Variants in RRAS observed in about 807,000 individuals in gnomAD.
RRAS encodes the protein RAS related, also known as ras-related protein R-Ras.
A neutral mutation model predicts 23.3 loss-of-function variants in RRAS; 18 were observed. The observed-to-expected ratio is 0.77, with a 90% CI of 0.53 to 1.15. The LOEUF is 1.15. Among genes scored for constraint, RRAS ranks in the 50% most tolerant of loss-of-function variants. The pLI, the probability that RRAS is intolerant of heterozygous loss-of-function variation, is 0.00. For synonymous variants in RRAS, 133 were observed against 138.3 expected (o/e 0.96, Z 0.27); for missense variants, 291 against 317.1 (o/e 0.92, Z 0.62).
chr19:49,636,356 G>T lies in RRAS; in HGVS notation c.453+263C>A, dbSNP rs2080996065. 6.6e-6 allele frequency among the ~76,000 whole-genome samples: 1 copy of T among 152,028 alleles called. No homozygotes were observed. Among genetic ancestry groups the T allele is most frequent in the South Asian group, 2.1e-4 (1 of 4,828 alleles). ...TGGAAGGGAGGAATGCGAGGAAGGG[G>T]CAAAGAGAGCTGGCGGACGGGGGGT... is the stretch of plus-strand genomic sequence containing the variant. On this transcript the variant is annotated intron_variant, in intron 4 of 5. Coordinates refer to ENST00000246792, the MANE Select transcript of RRAS (RefSeq NM_006270.5). This position sits in a 1 kb window ranked among gnomAD's most constrained non-coding sequence, Gnocchi z 4.5.
Position 49,635,679 on chromosome 19 carries a change from G to C in RRAS, c.573-19C>G, listed in dbSNP as rs377060262. On this transcript the variant is annotated intron_variant, in intron 5 of 5. Coordinates refer to ENST00000246792, the MANE Select transcript of RRAS (RefSeq NM_006270.5). ...GTATTTCCTGTGGGAAAACGCCAGT[G>C]AGTTTGGAGTGGAAGGGCTGGGGAC... 3.4e-6 allele frequency: 5 copies of C among 1,483,112 alleles called. No individual in the cohort carries two copies. The African/African-American group carries it at 7.1e-5, about 21-fold the overall frequency. 91.9% of individuals were successfully genotyped at this position (1,483,112 alleles called of 1,614,324 possible).
At position 49,635,309 on chromosome 19, in the gene RRAS, T is replaced by C. The variant is rs1222807732; in HGVS notation, c.*267A>G. On this transcript the variant is annotated 3_prime_UTR_variant, in exon 6 of 6. Transcript: ENST00000246792. Reference sequence around the variant, plus strand: ...GCACCTCCTGACGTTGGCAGTGACATTTATTTTTCTGGGGGAGGGGAGTTA... The same window carrying C: ...GCACCTCCTGACGTTGGCAGTGACACTTATTTTTCTGGGGGAGGGGAGTTA... The C allele has an allele frequency of 3.4e-6, 1 of 295,140 alleles. No homozygotes were observed. Among genetic ancestry groups the C allele is most frequent in the East Asian group, 5.4e-5 (1 of 18,562 alleles). 18.3% of individuals were successfully genotyped at this position (295,140 alleles called of 1,614,324 possible). A position where few individuals can be genotyped will look rare whatever the true frequency, so the allele number is the denominator to read the frequency against.
chr19:49,640,103 C>T lies in RRAS; in HGVS notation c.-5G>A, dbSNP rs1177664746. 38 of 1,382,860 alleles carry T rather than the reference C, an allele frequency of 2.7e-5. No homozygotes were observed. Among genetic ancestry groups the T allele is most frequent in the Non-Finnish European group, 3.4e-5 (37 of 1,080,322 alleles). The allele number at this position is 1,382,860 out of a possible 1,614,324, so 85.7% of individuals were successfully genotyped here. A position where few individuals can be genotyped will look rare whatever the true frequency, so the allele number is the denominator to read the frequency against. On this transcript the variant is annotated 5_prime_UTR_variant, in exon 1 of 6. Coordinates refer to ENST00000246792, the MANE Select transcript of RRAS (RefSeq NM_006270.5). Reference sequence around the variant, plus strand: ...GGACGCCGCCCCGCTGCTCATGTCGCCACCGCTGCTGCTGCCTTCGCTACC... The same window carrying T: ...GGACGCCGCCCCGCTGCTCATGTCGTCACCGCTGCTGCTGCCTTCGCTACC...
intron 1 of RRAS, among the ~76,000 whole-genome samples, chr19:49,637,818 G>A (rs2122423067): frequency 7.6e-6 from 1 of 132,144 alleles, no homozygotes; most frequent in Middle Eastern, 5.2e-3. Flanking sequence ...GTCACTCCTG[G>A]TCCTCTCTTT....
rs1438700948 is a variant in RRAS, at chr19:49,636,975, T to C, written c.242-49A>G. 1 of 1,607,996 alleles carries C rather than the reference T, an allele frequency of 6.2e-7. No homozygotes were observed. Among genetic ancestry groups the C allele is most frequent in the South Asian group, 1.1e-5 (1 of 90,908 alleles). On this transcript the variant is annotated intron_variant, in intron 2 of 5. Coordinates refer to ENST00000246792, the MANE Select transcript of RRAS (RefSeq NM_006270.5). This position sits in a 1 kb window ranked among gnomAD's most constrained non-coding sequence, Gnocchi z 4.5. ...ATCGTGGGGACCAGGCTCCCCGCAG[T>C]CACCCCCAAGAGCCCTCAGCCCCCA... is the stretch of plus-strand genomic sequence containing the variant.
At chr19:49,639,841 G>T in intron 1 of RRAS, 105 bp downstream of exon 1, 1 of 927,664 alleles carries the variant, frequency 1.1e-6, no homozygotes, top group Non-Finnish European at 1.6e-6. Context: ...GGGCCTTATA[G>T]GAGGGTCTCA....
intron 1 of RRAS, among the ~76,000 whole-genome samples, chr19:49,638,530 C>T (rs2081007231): frequency 6.6e-6 from 1 of 151,954 alleles, no homozygotes; most frequent in Non-Finnish European, 1.5e-5. Flanking sequence ...GGTCTGAAGG[C>T]TGCATCTGTC....
In RRAS at chr19:49,636,624, G is replaced by T. The variant is rs767209383; in HGVS notation, c.448C>A (p.Arg150Ser). The T allele has an allele frequency of 3.7e-6, 6 of 1,612,450 alleles. No homozygotes were observed. The highest frequency in any genetic ancestry group is 5.1e-6 in the Non-Finnish European group (6 of 1,178,604). Reference protein sequence around the residue: ...VGNKADLESQRQVPRSEASAF... With the variant: ...VGNKADLESQSQVPRSEASAF... ...GAAAGAGGGGTGTCCCGAACCTGGC[G>T]CTGTGACTCCAGATCTGCCTTGTTC... The change falls in exon 4 of 6, where the codon CGC becomes AGC. Residue 150 changes from arginine to serine, a missense_variant. Transcript: ENST00000246792. The surrounding 1 kb of genome is among the most constrained non-coding windows in gnomAD (Gnocchi z 4.5).
rs1238020391 is a variant in RRAS, at chr19:49,636,072, C to T, written c.454-220G>A. Among the ~76,000 whole-genome samples, 4 of 152,156 alleles carry T rather than the reference C, an allele frequency of 2.6e-5. No individual in the cohort carries two copies. The highest frequency in any genetic ancestry group is 2.6e-4 in the Admixed American group (4 of 15,288). ...CTTCGTGGGCACTTGCCCTGCTATG[C>T]CTTAGATAACCAGGAGTGGGCAGGC... On this transcript the variant is annotated intron_variant, in intron 4 of 5. Transcript: ENST00000246792. The surrounding 1 kb of genome is among the most constrained non-coding windows in gnomAD (Gnocchi z 4.5).
chr19:49,636,885 C>G lies in RRAS; in HGVS notation c.283G>C (p.Glu95Gln), dbSNP rs776413496. The change falls in exon 3 of 6, where the codon GAG (glutamate) becomes CAG (glutamine). Residue 95 changes from glutamate to glutamine, a missense_variant. By Grantham distance (29) the Glu-to-Gln change is conservative. Transcript: ENST00000246792. This position sits in a 1 kb window ranked among gnomAD's most constrained non-coding sequence, Gnocchi z 4.5. ...CCGTGGCCAGCACGCATGTACTGCT[C>G]TCTCATGGCCCCGAACTCTTCCTGG... is the stretch of plus-strand genomic sequence containing the variant. The part of the protein sequence containing the change: ...AGQEEFGAMR[E>Q]QYMRAGHGFL... The G allele has an allele frequency of 1.2e-6, 2 of 1,613,540 alleles. No homozygotes were observed. The highest frequency in any genetic ancestry group is 2.2e-5 in the South Asian group (2 of 91,080).
chr19:49,635,591 G>A lies in RRAS; in HGVS notation c.642C>T (p.Pro214=), dbSNP rs749613582. The A allele has an allele frequency of 1.4e-6, 2 of 1,445,790 alleles. No individual in the cohort carries two copies. Among genetic ancestry groups the A allele is most frequent in the Non-Finnish European group, 1.8e-6 (2 of 1,091,008 alleles). 89.6% of individuals were successfully genotyped at this position (1,445,790 alleles called of 1,614,324 possible). The change falls in exon 6 of 6, where the codon CCC becomes CCT. Residue 214 remains proline, a synonymous_variant. Coordinates refer to ENST00000246792, the MANE Select transcript of RRAS (RefSeq NM_006270.5). ...SAPRKKGGGC[P]CVLL Reference sequence around the variant, plus strand: ...CTTGCCTGGGCTACAGGAGGACGCAGGGGCAGCCCCCGCCCTTCTTCCTGG... The same window carrying A: ...CTTGCCTGGGCTACAGGAGGACGCAAGGGCAGCCCCCGCCCTTCTTCCTGG...
At chr19:49,637,613 C>T (rs1393658472) in intron 1 of RRAS, among the ~76,000 whole-genome samples, 8 of 151,342 alleles carry the variant, frequency 5.3e-5, no homozygotes, top group Non-Finnish European at 1.2e-4. Context: ...CCTGCCCTGT[C>T]CTTCTCTCTC....
rs560036770 is a variant in RRAS, at chr19:49,636,287, C to G, written c.453+332G>C. On this transcript the variant is annotated intron_variant, in intron 4 of 5. Coordinates refer to ENST00000246792, the MANE Select transcript of RRAS (RefSeq NM_006270.5). This position sits in a 1 kb window ranked among gnomAD's most constrained non-coding sequence, Gnocchi z 4.5. ...AGGAACTGGGGAGCCATGGAGGGGG[C>G]CGGCCATGAGCAGGGGAGGTGCTGG... Among the ~76,000 whole-genome samples, 155 of 151,920 alleles carry G rather than the reference C, an allele frequency of 1.0e-3. No homozygotes were observed. Among genetic ancestry groups the G allele is most frequent in the African/African-American group, 3.7e-3 (152 of 41,414 alleles).
intron 1 of RRAS, among the ~76,000 whole-genome samples, chr19:49,639,006 G>A (rs2081009670): frequency 3.9e-5 from 6 of 152,048 alleles, no homozygotes; most frequent in Admixed American, 3.9e-4. Context: ...TGGCCAAGGG[G>A]CAGGATGTCT....
At position 49,636,016 on chromosome 19, in the gene RRAS, T is replaced by G. The variant is rs1295304386; in HGVS notation, c.454-164A>C. Among the ~76,000 whole-genome samples the G allele has an allele frequency of 2.6e-5, 4 of 152,070 alleles. No homozygotes were observed. Among genetic ancestry groups the G allele is most frequent in the Non-Finnish European group, 5.9e-5 (4 of 68,018 alleles). ...TATGGAGGGAGATGCCGCAGGGGCT[T>G]GGTGTCTTCTAAGTAAGGGATGGGG... On this transcript the variant is annotated intron_variant, in intron 4 of 5. Coordinates refer to ENST00000246792, the MANE Select transcript of RRAS (RefSeq NM_006270.5). This position sits in a 1 kb window ranked among gnomAD's most constrained non-coding sequence, Gnocchi z 4.5.
chr19:49,636,683 T>C lies in RRAS; in HGVS notation c.389A>G (p.Lys130Arg), dbSNP rs1243447479. 1.9e-6 allele frequency: 3 copies of C among 1,614,142 alleles called. No homozygotes were observed. The highest frequency in any genetic ancestry group is 1.7e-5 in the Admixed American group (1 of 60,028). Residue 130 changes from lysine (K) to arginine (R), a missense_variant, in exon 4 of 6, where the codon AAG becomes AGG. Lys to Arg is a conservative substitution (Grantham distance 26). Coordinates refer to ENST00000246792, the MANE Select transcript of RRAS (RefSeq NM_006270.5). The surrounding 1 kb of genome is among the most constrained non-coding windows in gnomAD (Gnocchi z 4.5). ...CACAACGGGGAAGTCGTCGCGGTCC[T>C]TGACCCGCAGAATCTGCGTGAAGAG... The part of the protein sequence containing the change: ...GKLFTQILRV[K>R]DRDDFPVVLV...
rs984293675 is a variant in RRAS, at chr19:49,635,477, T to A, written c.*99A>T. On this transcript the variant is annotated 3_prime_UTR_variant, in exon 6 of 6. Coordinates refer to ENST00000246792, the MANE Select transcript of RRAS (RefSeq NM_006270.5). ...TGTGATGTGTCCTGGGAGACCCAGATGAGGAAATTGAGGCTCAGTGAGGGC... is the reference window on the plus strand; with the variant it reads ...TGTGATGTGTCCTGGGAGACCCAGAAGAGGAAATTGAGGCTCAGTGAGGGC... 4.4e-6 allele frequency: 3 copies of A among 678,028 alleles called. No individual in the cohort carries two copies. The highest frequency in any genetic ancestry group is 1.8e-5 in the African/African-American group (1 of 54,754). 42.0% of individuals were successfully genotyped at this position (678,028 alleles called of 1,614,324 possible). A position where few individuals can be genotyped will look rare whatever the true frequency, so the allele number is the denominator to read the frequency against.
intron 1 of RRAS, among the ~76,000 whole-genome samples, chr19:49,637,383 T>C (rs1025269359): frequency 4.2e-5 from 6 of 141,838 alleles, no homozygotes; most frequent in African/African-American, 5.3e-5. Context: ...CTCGGCTCAC[T>C]GCAACCTCCG....
chr19:49,639,364 G>T (rs1238350950), intron 1 of RRAS, among the ~76,000 whole-genome samples: 2 of 150,602 alleles, frequency 1.3e-5, no homozygotes. Context: ...GGCAGAGGTT[G>T]CAGTGAGCCA....
Sources: gnomAD v4.1 joint callset for allele counts (sites outside exome capture counted in the v4.1 genomes callset) on GRCh38, gnomAD v4.1.1 for gene constraint, Gnocchi (gnomAD v3.1) non-coding constraint, MANE v1.5 for transcripts, NCBI Gene and HGNC (gene_info 2026-07-23, HGNC 2026-07-21) for gene names.